RNPC3: variants seen among roughly 807,000 people sequenced by gnomAD.
The protein encoded by RNPC3 is RNA binding region (RNP1, RRM) containing 3.
Under a neutral mutation model 67.5 loss-of-function variants are expected in RNPC3, and 48 were observed. The observed-to-expected ratio is 0.71, with a 90% CI of 0.56 to 0.90. The LOEUF is 0.90. Ranked by LOEUF, RNPC3 falls within the 40% of genes least tolerant of loss-of-function variation. The probability of loss-of-function intolerance (pLI) is 0.00; values close to 1 mark genes in which losing one functional copy is unlikely to be tolerated. For synonymous variants in RNPC3, 239 were observed against 210.3 expected (o/e 1.14, Z -1.18); for missense variants, 637 against 626.1 (o/e 1.02, Z -0.19).
chr1:103,544,417 T>G (rs1423560342), intron 9 of RNPC3, among the ~76,000 whole-genome samples: 1 of 151,852 alleles, frequency 6.6e-6, no homozygotes, highest in Admixed American at 6.6e-5. Flanking sequence ...ATACTTTACA[T>G]TTTTTGGCTG....
chr1:103,529,295 A>G (rs1650785136), intron 2 of RNPC3, among the ~76,000 whole-genome samples: 1 of 151,732 alleles, frequency 6.6e-6, no homozygotes, highest in South Asian at 2.1e-4. Flanking sequence ...AAAATATATC[A>G]TAATACATTG....
Position 103,543,462 on chromosome 1 carries a change from G to A in RNPC3, c.1045+15G>A. The A allele has an allele frequency of 6.9e-7, 1 of 1,439,498 alleles. No homozygotes were observed. The highest frequency in any genetic ancestry group is 9.1e-7 in the Non-Finnish European group (1 of 1,096,204). 89.2% of individuals were successfully genotyped at this position (1,439,498 alleles called of 1,614,324 possible). On this transcript the variant is annotated intron_variant, in intron 9 of 14. Coordinates refer to ENST00000423855, the MANE Select transcript of RNPC3 (RefSeq NM_017619.4). ...AAAAAATCATGGTAAGGATATTCTA[G>A]TTATTTCACATGCTGAAATCAACTT...
rs1421853301 is a variant in RNPC3 at position 103,537,364 on chromosome 1, A to G, written c.647A>G (p.His216Arg). 6.5e-7 allele frequency: 1 copy of G among 1,535,610 alleles called. No individual in the cohort carries two copies. The highest frequency in any genetic ancestry group is 1.2e-5 in the South Asian group (1 of 83,962). The change falls in exon 7 of 15, where the codon CAT (histidine) becomes CGT (arginine). Residue 216 changes from histidine (H) to arginine (R), a missense_variant. Physicochemically the swap from His to Arg is conservative, Grantham distance 29. Coordinates refer to ENST00000423855, the MANE Select transcript of RNPC3 (RefSeq NM_017619.4). ...TAGTATGAAGACTATATGCCATTGCATGCACCTCTTCCACCCACATCTCCT... is the reference window on the plus strand; with the variant it reads ...TAGTATGAAGACTATATGCCATTGCGTGCACCTCTTCCACCCACATCTCCT... ...PPMYEDYMPL[H>R]APLPPTSPQP...
chr1:103,549,443 A>G (rs1001445834), intron 12 of RNPC3, among the ~76,000 whole-genome samples: 1 of 152,148 alleles, frequency 6.6e-6, no homozygotes, highest in Non-Finnish European at 1.5e-5. Flanking sequence ...CAGAATGCCA[A>G]AATATATTTT....
intron 2 of RNPC3, 41 bp downstream of exon 2, chr1:103,527,783 C>CT (rs1650754795): frequency 1.4e-6 from 2 of 1,379,598 alleles, no homozygotes; most frequent in Admixed American, 4.2e-5. Context: ...CAACAGGATC[C>CT]TCTTATACAA....
intron 7 of RNPC3, among the ~76,000 whole-genome samples, chr1:103,539,503 C>T (rs1651069206): frequency 6.6e-6 from 1 of 152,228 alleles, no homozygotes; most frequent in Admixed American, 6.5e-5. Context: ...TACTTAACCT[C>T]TGTGAACTTC....
chr1:103,541,517 A>G (rs1391591815), intron 8 of RNPC3, 42 bp downstream of exon 8: 31 of 1,444,132 alleles, frequency 2.1e-5, no homozygotes, highest in Non-Finnish European at 2.8e-5. Context: ...GTCTGTATGT[A>G]CTTTGTTTAC....
chr1:103,548,756 A>C (rs1017011127), intron 12 of RNPC3, among the ~76,000 whole-genome samples: 1 of 152,174 alleles, frequency 6.6e-6, no homozygotes, highest in African/African-American at 2.4e-5. Flanking sequence ...CTTTACTGGT[A>C]CCAATTTACT....
chr1:103,540,565 A>C (rs943316554), intron 7 of RNPC3, among the ~76,000 whole-genome samples: 1 of 152,164 alleles, frequency 6.6e-6, no homozygotes, highest in African/African-American at 2.4e-5. Context: ...AAAGGGTTTA[A>C]ATTACAGCAT....
chr1:103,545,268 A>G (rs1651216143), intron 10 of RNPC3, 166 bp downstream of exon 10: 1 of 549,500 alleles, frequency 1.8e-6, no homozygotes, highest in Non-Finnish European at 3.0e-6. Flanking sequence ...TTAAATACTC[A>G]TACTTTATAG....
chr1:103,536,302 AG>A (rs1650985773), intron 6 of RNPC3, 108 bp downstream of exon 6: 1 of 731,078 alleles, frequency 1.4e-6, no homozygotes, highest in African/African-American at 1.8e-5. Flanking sequence ...ATTGAAAATA[AG>A]GAACGGGTAT....
intron 7 of RNPC3, 136 bp from the exon 8 acceptor site, chr1:103,541,214 A>G (rs886611186): frequency 1.1e-5 from 6 of 563,778 alleles, no homozygotes; most frequent in African/African-American, 6.0e-5. Flanking sequence ...ATGGTGTTCT[A>G]TATATTTGAT....
At chr1:103,538,531 T>G (rs555547124) in intron 7 of RNPC3, among the ~76,000 whole-genome samples, 1 of 152,280 alleles carries the variant, frequency 6.6e-6, no homozygotes, top group South Asian at 2.1e-4. Flanking sequence ...AAGTAAGGTG[T>G]TCTTAGACAT....
At chr1:103,545,386 C>T in intron 10 of RNPC3, 1 of 253,798 alleles carries the variant, frequency 3.9e-6, no homozygotes, top group Non-Finnish European at 7.5e-6. Context: ...TCAGTGTGTC[C>T]CACAAGTCTG....
chr1:103,527,783 C>A, intron 2 of RNPC3, 41 bp downstream of exon 2: 3 of 1,379,718 alleles, frequency 2.2e-6, no homozygotes, highest in South Asian at 1.3e-5. Flanking sequence ...CAACAGGATC[C>A]TCTTATACAA....
chr1:103,537,716 G>A (rs1384882634), intron 7 of RNPC3, among the ~76,000 whole-genome samples: 1 of 152,076 alleles, frequency 6.6e-6, no homozygotes, highest in Non-Finnish European at 1.5e-5. Flanking sequence ...TTAGATTGAT[G>A]ATTATGGTAT....
intron 2 of RNPC3, among the ~76,000 whole-genome samples, chr1:103,529,980 G>A (rs1650808688): frequency 6.6e-6 from 1 of 152,070 alleles, no homozygotes; most frequent in African/African-American, 2.4e-5. Flanking sequence ...AGGGATCTAG[G>A]TTGCGCTCTC....
chr1:103,526,643 A>G (rs1001258378), intron 1 of RNPC3, among the ~76,000 whole-genome samples: 1 of 152,188 alleles, frequency 6.6e-6, no homozygotes, highest in Admixed American at 6.5e-5. Flanking sequence ...GTCCTACTTC[A>G]TTTATAAGCC....
intron 12 of RNPC3, among the ~76,000 whole-genome samples, chr1:103,547,893 A>C (rs941169458): frequency 1.3e-5 from 2 of 152,170 alleles, no homozygotes; most frequent in Non-Finnish European, 2.9e-5. Flanking sequence ...ATCCTCTGAA[A>C]TCCAGGTGGA....
Sources: gnomAD v4.1 joint callset for allele counts (sites outside exome capture counted in the v4.1 genomes callset) on GRCh38, gnomAD v4.1.1 for gene constraint, MANE v1.5 for transcripts, NCBI Gene and HGNC (gene_info 2026-07-23, HGNC 2026-07-21) for gene names.